ULK4: variants seen among roughly 807,000 people sequenced by gnomAD.
ULK4 encodes the protein unc-51 like kinase 4.
A neutral mutation model predicts 160.6 loss-of-function variants in ULK4; 133 were observed. The ratio of observed to expected loss-of-function variants is 0.83; its 90% confidence interval spans 0.72 to 0.96. The LOEUF (loss-of-function observed/expected upper bound fraction) is 0.96. Among genes scored for constraint, ULK4 ranks in the 40% least tolerant of loss-of-function variants. The pLI is 0.00. For synonymous variants in ULK4, 534 were observed against 539.8 expected, an observed-to-expected ratio of 0.99 and a Z score of 0.15; for missense variants, 1,580 against 1,499.5, an observed-to-expected ratio of 1.05 and a Z score of -0.89.
chr3:41,298,361 C>T (rs2079714136), intron 35 of ULK4, among the ~76,000 whole-genome samples: 1 of 152,166 alleles, frequency 6.6e-6, no homozygotes, highest in South Asian at 2.1e-4. Context: ...GATCACTATT[C>T]AATTTCAAAT....
At chr3:41,752,464 T>A (rs1401376372) in intron 22 of ULK4, among the ~76,000 whole-genome samples, 1 of 152,140 alleles carries the variant, frequency 6.6e-6, no homozygotes, top group African/African-American at 2.4e-5. Context: ...CTTCAAGACA[T>A]TGGACAAGGA....
chr3:41,940,682 C>A (rs894687238), intron 2 of ULK4, among the ~76,000 whole-genome samples: 14 of 152,016 alleles, frequency 9.2e-5, no homozygotes, highest in Admixed American at 7.2e-4. Flanking sequence ...TAGAAACATT[C>A]TTACTTATTT....
chr3:41,960,893 G>A (rs1195210754), intron 1 of ULK4, among the ~76,000 whole-genome samples: 1 of 152,084 alleles, frequency 6.6e-6, no homozygotes, highest in African/African-American at 2.4e-5. Context: ...TCAGGAAATA[G>A]GACTTTGCCA....
intron 21 of ULK4, among the ~76,000 whole-genome samples, chr3:41,766,447 C>G (rs1216448235): frequency 6.6e-6 from 1 of 152,190 alleles, no homozygotes; most frequent in African/African-American, 2.4e-5. Context: ...CCTCAGGAAA[C>G]CAAAACATTT....
At chr3:41,925,797 A>G (rs1193967989) in intron 5 of ULK4, among the ~76,000 whole-genome samples, 2 of 152,124 alleles carry the variant, frequency 1.3e-5, no homozygotes, top group African/African-American at 2.4e-5. Context: ...GGAAGAGCGA[A>G]CTGGGTGGAG....
intron 17 of ULK4, among the ~76,000 whole-genome samples, chr3:41,862,474 C>G (rs2042522154): frequency 6.6e-6 from 1 of 152,270 alleles, no homozygotes; most frequent in South Asian, 2.1e-4. Flanking sequence ...TCTTCAGTGT[C>G]TGGGCACTGA....
chr3:41,749,115 T>C (rs1447431174), intron 22 of ULK4, among the ~76,000 whole-genome samples: 1 of 152,260 alleles, frequency 6.6e-6, no homozygotes, highest in Non-Finnish European at 1.5e-5. Flanking sequence ...GGAATACTCA[T>C]ATAACCATTC....
At chr3:41,411,009 A>T (rs926843233) in intron 34 of ULK4, among the ~76,000 whole-genome samples, 5 of 152,216 alleles carry the variant, frequency 3.3e-5, no homozygotes, top group Admixed American at 6.5e-5. Flanking sequence ...GGAGGTTAGG[A>T]CTTTATCTTT....
rs1466730358 is a variant in ULK4 at position 41,306,767 on chromosome 3, T to C, written c.3679-57193A>G. Among the ~76,000 whole-genome samples, 23 of 151,690 alleles carry C rather than the reference T, an allele frequency of 1.5e-4. No homozygotes were observed. In the East Asian group the frequency reaches 3.5e-3, roughly 23 times the overall value. Reference sequence around the variant, plus strand: ...GTTGCCGTGTCTGTGTAGAAAGAAGTAAACATGGGAGACTTTTCATTTTGT... The same window carrying C: ...GTTGCCGTGTCTGTGTAGAAAGAAGCAAACATGGGAGACTTTTCATTTTGT... On this transcript the variant is annotated intron_variant, in intron 35 of 36. Coordinates refer to ENST00000301831, the MANE Select transcript of ULK4 (RefSeq NM_017886.4).
At chr3:41,447,543 G>T (rs965676749) in intron 34 of ULK4, among the ~76,000 whole-genome samples, 3 of 151,968 alleles carry the variant, frequency 2.0e-5, no homozygotes, top group African/African-American at 7.2e-5. Flanking sequence ...TGCAGTTCCG[G>T]GGCCTTTCTT....
At chr3:41,807,948 G>A (rs1055285987) in intron 19 of ULK4, among the ~76,000 whole-genome samples, 2 of 152,068 alleles carry the variant, frequency 1.3e-5, no homozygotes, top group African/African-American at 4.8e-5. Flanking sequence ...ATTCCTAAGT[G>A]CTCAGCTCAA....
intron 34 of ULK4, among the ~76,000 whole-genome samples, chr3:41,411,420 C>CTTTTTTTT (rs556696303): frequency 1.8e-4 from 26 of 142,986 alleles, no homozygotes; most frequent in African/African-American, 2.6e-4. Context: ...ACATTCCTTT[C>CTTTTTTTT]TTTTTTTTTT....
At chr3:41,859,453 C>T in intron 17 of ULK4, 1 of 555,238 alleles carries the variant, frequency 1.8e-6, no homozygotes, top group Non-Finnish European at 3.6e-6. Flanking sequence ...AAAGAGATAG[C>T]AGAAACCTGG....
intron 32 of ULK4, among the ~76,000 whole-genome samples, chr3:41,525,056 A>C (rs796691343): frequency 6.4e-4 from 97 of 152,326 alleles, no homozygotes; most frequent in African/African-American, 2.3e-3. Flanking sequence ...TCTGGAAGCT[A>C]TAACAGGGTC....
At chr3:41,716,824 A>G (rs2037283354) in intron 23 of ULK4, among the ~76,000 whole-genome samples, 1 of 152,234 alleles carries the variant, frequency 6.6e-6, no homozygotes, top group Non-Finnish European at 1.5e-5. Context: ...TGTAATAAAC[A>G]TCCTTTGCAA....
At chr3:41,823,788 T>G (rs528844974) in intron 18 of ULK4, among the ~76,000 whole-genome samples, 91 of 152,342 alleles carry the variant, frequency 6.0e-4, no homozygotes, top group African/African-American at 2.1e-3. Context: ...CTTTTCCAGT[T>G]TGCTATCACG....
chr3:41,313,519 T>C (rs2080089899), intron 35 of ULK4, among the ~76,000 whole-genome samples: 1 of 152,230 alleles, frequency 6.6e-6, no homozygotes, highest in Non-Finnish European at 1.5e-5. Context: ...ATTTCATTAA[T>C]TTCTGCTCTT....
intron 17 of ULK4, among the ~76,000 whole-genome samples, chr3:41,878,079 A>AG (rs1553680621): frequency 8.1e-6 from 1 of 124,006 alleles, no homozygotes; most frequent in Non-Finnish European, 1.7e-5. Flanking sequence ...AAGCTCTACC[A>AG]GGAAAAAAAA....
intron 35 of ULK4, among the ~76,000 whole-genome samples, chr3:41,305,020 A>G (rs1449056499): frequency 1.3e-5 from 2 of 152,208 alleles, no homozygotes; most frequent in Non-Finnish European, 2.9e-5. Flanking sequence ...ACACTGGGCC[A>G]CCAAAATGAT....
Sources: gnomAD v4.1 joint callset for allele counts (sites outside exome capture counted in the v4.1 genomes callset) on GRCh38, gnomAD v4.1.1 for gene constraint, MANE v1.5 for transcripts, NCBI Gene and HGNC (gene_info 2026-07-23, HGNC 2026-07-21) for gene names.